Variants in DCX observed in about 807,000 individuals in gnomAD.
The protein encoded by DCX is doublecortin.
Under a neutral mutation model 20.9 loss-of-function variants are expected in DCX, and 4 were observed. The observed-to-expected ratio is 0.19, with a 90% CI of 0.09 to 0.44. DCX has a LOEUF of 0.44. Among genes scored for constraint, DCX ranks in the 20% least tolerant of loss-of-function variants. The pLI, the probability that DCX is intolerant of heterozygous loss-of-function variation, is 0.99. For synonymous variants in DCX, 103 were observed against 111.4 expected (o/e 0.92, Z 0.47); for missense variants, 133 against 296.9 (o/e 0.45, Z 4.06).
intron 3 of DCX, among the ~76,000 whole-genome samples, chrX:111,340,568 A>G (rs1922133224): frequency 9.0e-6 from 1 of 111,572 alleles, no homozygotes; most frequent in African/African-American, 3.3e-5. Context: ...ACTCGACTGA[A>G]TGAGACCCTT....
intron 3 of DCX, among the ~76,000 whole-genome samples, chrX:111,386,658 T>C (rs1399729003): frequency 1.8e-5 from 2 of 110,977 alleles, no homozygotes; most frequent in Non-Finnish European, 3.8e-5. Context: ...CTGCCTAAAT[T>C]AACTACCACT....
At chrX:111,327,305 C>G (rs1024402848) in intron 5 of DCX, among the ~76,000 whole-genome samples, 2 of 111,888 alleles carry the variant, frequency 1.8e-5, no homozygotes, top group African/African-American at 6.5e-5. Flanking sequence ...ATGAACAAAG[C>G]CTGTTTGCCC....
At chrX:111,370,975 T>C (rs1925035675) in intron 3 of DCX, among the ~76,000 whole-genome samples, 1 of 111,950 alleles carries the variant, frequency 8.9e-6, no homozygotes, top group Non-Finnish European at 1.9e-5. Context: ...ATTTGCTTTA[T>C]TACATAGCTA....
At chrX:111,305,522 G>C (rs1305831975) in intron 6 of DCX, among the ~76,000 whole-genome samples, 2 of 109,387 alleles carry the variant, frequency 1.8e-5, no homozygotes, top group Non-Finnish European at 3.8e-5. Flanking sequence ...CTACATATCT[G>C]TTATTTTGTA....
intron 6 of DCX, among the ~76,000 whole-genome samples, chrX:111,305,562 C>T (rs2095043423): frequency 9.1e-6 from 1 of 109,466 alleles, no homozygotes; most frequent in African/African-American, 3.3e-5. Context: ...TCATTTCTTC[C>T]CTTTCTATCC....
In DCX at chrX:111,299,661, T is replaced by C. The variant is rs2095029382; in HGVS notation, c.*2026A>G. On this transcript the variant is annotated 3_prime_UTR_variant, in exon 7 of 7. Transcript: ENST00000636035. ...GGGAGGCACTAAGAAAACCCTGAGC[T>C]TCTAGAAAGAAATAGGGGCTTAGTA... 9.0e-6 allele frequency: 1 copy of C among 111,543 alleles called. No homozygotes were observed. The highest frequency in any genetic ancestry group is 9.5e-5 in the Admixed American group (1 of 10,509). The allele number at this position is 111,543 out of a possible 1,213,427, so 9.2% of individuals were successfully genotyped here.
chrX:111,375,655 A>C (rs766168722), intron 3 of DCX, among the ~76,000 whole-genome samples: 10 of 111,687 alleles, frequency 9.0e-5, no homozygotes, highest in Non-Finnish European at 9.4e-5. Flanking sequence ...AACATACTTT[A>C]CATTAAGCTC....
chrX:111,400,716 G>A (rs191733632), intron 3 of DCX, among the ~76,000 whole-genome samples: 1 of 112,232 alleles, frequency 8.9e-6, no homozygotes, highest in East Asian at 2.8e-4. Flanking sequence ...TAGAACCTAG[G>A]TTCTAACACA....
chrX:111,343,296 C>G (rs1416336486), intron 3 of DCX, among the ~76,000 whole-genome samples: 1 of 110,655 alleles, frequency 9.0e-6, no homozygotes, highest in Non-Finnish European at 1.9e-5. Flanking sequence ...ATAAACACCT[C>G]TATGCCAATA....
chrX:111,323,200 G>T (rs1248867528), intron 5 of DCX, among the ~76,000 whole-genome samples: 1 of 111,995 alleles, frequency 8.9e-6, no homozygotes. Context: ...AAGAACACAG[G>T]CTTTGGAATC....
intron 3 of DCX, among the ~76,000 whole-genome samples, chrX:111,347,611 A>T (rs1263746150): frequency 9.0e-6 from 1 of 111,092 alleles, no homozygotes; most frequent in Admixed American, 9.6e-5. Context: ...CTGTGCAGCC[A>T]GTTTACCTAT....
At chrX:111,398,508 G>A (rs1398188244) in intron 3 of DCX, among the ~76,000 whole-genome samples, 2 of 111,732 alleles carry the variant, frequency 1.8e-5, no homozygotes, top group African/African-American at 6.5e-5. Context: ...CAGAGGTACA[G>A]ATGCCTGAAA....
intron 6 of DCX, among the ~76,000 whole-genome samples, chrX:111,309,016 C>T (rs756699348): frequency 1.9e-4 from 21 of 110,963 alleles, no homozygotes; most frequent in Admixed American, 1.7e-3. Context: ...GTCTCTTTCA[C>T]GGGGATATCA....
chrX:111,352,927 CT>C (rs1339502212), intron 3 of DCX, among the ~76,000 whole-genome samples: 2 of 109,573 alleles, frequency 1.8e-5, no homozygotes, highest in Non-Finnish European at 3.8e-5. Context: ...TGTCAACTGG[CT>C]TAAGTAGAGG....
At chrX:111,377,446 G>C (rs1452736761) in intron 3 of DCX, among the ~76,000 whole-genome samples, 2 of 111,432 alleles carry the variant, frequency 1.8e-5, no homozygotes, top group East Asian at 2.9e-4. Flanking sequence ...CAGGAGAAGG[G>C]TGGGGTGGGG....
At position 111,295,262 on chromosome X, in the gene DCX, T is replaced by C. The variant is rs2095017713; in HGVS notation, c.*6425A>G. On this transcript the variant is annotated 3_prime_UTR_variant, in exon 7 of 7. Transcript: ENST00000636035. ...GCACTCTGTTTAATAAATTAACACC[T>C]ACAATCTGGCTTCTTTAGGTCCACT... is the stretch of plus-strand genomic sequence containing the variant. 9.0e-6 allele frequency: 1 copy of C among 111,418 alleles called. No homozygotes were observed. Among genetic ancestry groups the C allele is most frequent in the African/African-American group, 3.3e-5 (1 of 30,176 alleles). The allele number at this position is 111,418 out of a possible 1,213,427, so 9.2% of individuals were successfully genotyped here.
At chrX:111,316,134 C>G (rs1307365883) in intron 5 of DCX, among the ~76,000 whole-genome samples, 1 of 103,590 alleles carries the variant, frequency 9.7e-6, no homozygotes, top group African/African-American at 3.5e-5. Context: ...CTACAACAAA[C>G]CTATAGTTAA....
chrX:111,343,384 T>C (rs1922479402), intron 3 of DCX, among the ~76,000 whole-genome samples: 1 of 100,805 alleles, frequency 9.9e-6, no homozygotes. Flanking sequence ...AGAAATTGAA[T>C]CCCTGACTGG....
At chrX:111,351,963 A>G (rs1923346366) in intron 3 of DCX, among the ~76,000 whole-genome samples, 1 of 111,807 alleles carries the variant, frequency 8.9e-6, no homozygotes, top group Non-Finnish European at 1.9e-5. Context: ...GGGCTCATGC[A>G]GTCCGCCTGC....
Sources: allele counts gnomAD v4.1 joint callset (sites outside exome capture counted in the v4.1 genomes callset), GRCh38; gene constraint gnomAD v4.1.1; transcripts MANE v1.5; gene names NCBI Gene and HGNC (gene_info 2026-07-23, HGNC 2026-07-21).